RNF150: variants seen among roughly 807,000 people sequenced by gnomAD.
The protein encoded by RNF150 is ring finger protein 150.
Under a neutral mutation model 39.3 loss-of-function variants are expected in RNF150, and 24 were observed. That is an observed-to-expected ratio of 0.61 (90% confidence interval 0.44 to 0.86). RNF150 has a LOEUF of 0.86. RNF150 is among the 40% of genes least tolerant of loss of function. RNF150 has a pLI of 0.00. For synonymous variants in RNF150, 255 were observed against 227.3 expected, an observed-to-expected ratio of 1.12 and a Z score of -1.10; for missense variants, 502 against 587.8, an observed-to-expected ratio of 0.85 and a Z score of 1.51.
chr4:141,149,337 C>T (rs1727257804), intron 1 of RNF150, among the ~76,000 whole-genome samples: 1 of 151,788 alleles, frequency 6.6e-6, no homozygotes, highest in African/African-American at 2.4e-5. Flanking sequence ...CACCCAGCAC[C>T]CCAGCAGTGT....
intron 1 of RNF150, among the ~76,000 whole-genome samples, chr4:141,156,766 G>A (rs1031232379): frequency 1.4e-5 from 2 of 145,534 alleles, no homozygotes; most frequent in Non-Finnish European, 3.0e-5. Flanking sequence ...AATTAACCAG[G>A]TGTGTTGGCA....
intron 1 of RNF150, among the ~76,000 whole-genome samples, chr4:141,010,957 G>A (rs999863971): frequency 6.6e-6 from 1 of 152,120 alleles, no homozygotes; most frequent in African/African-American, 2.4e-5. Context: ...CTGAGTCTAA[G>A]AGTAGTACTG....
At chr4:141,053,694 A>G (rs1259413350) in intron 1 of RNF150, 5 of 1,410,700 alleles carry the variant, frequency 3.5e-6, no homozygotes, top group Non-Finnish European at 4.6e-6. Flanking sequence ...GGCATGGTGA[A>G]ATCAGCTTCA....
Position 140,897,483 on chromosome 4 carries a change from G to T in RNF150, c.1198+13661C>A, listed in dbSNP as rs564572763. 5.5e-4 allele frequency among the ~76,000 whole-genome samples: 83 copies of T among 152,268 alleles called. No homozygotes were observed. In the South Asian group the frequency reaches 0.017, roughly 30 times the overall value. On this transcript the variant is annotated intron_variant, in intron 6 of 6. Transcript: ENST00000515673. ...CACTCCAACTACAGCCCAGGTGGGT[G>T]TTCAGACCATAGCTAGAAACTGGTT... is the stretch of plus-strand genomic sequence containing the variant.
intron 1 of RNF150, among the ~76,000 whole-genome samples, chr4:141,193,518 C>T (rs563144259): frequency 6.6e-6 from 1 of 152,332 alleles, no homozygotes; most frequent in South Asian, 2.1e-4. Flanking sequence ...GTACCAGGCA[C>T]TATTCTGGGC....
intron 1 of RNF150, among the ~76,000 whole-genome samples, chr4:141,114,106 A>G (rs1739473478): frequency 6.6e-6 from 1 of 152,152 alleles, no homozygotes; most frequent in African/African-American, 2.4e-5. Context: ...GAATTACAGA[A>G]GCAACAGAAA....
rs142994696 is a variant in RNF150 at position 141,187,643 on chromosome 4, A to G, written c.-6+25151T>C. Among the ~76,000 whole-genome samples, 302 of 152,140 alleles carry G rather than the reference A, an allele frequency of 2.0e-3. 1 individual carries two copies. Among genetic ancestry groups the G allele is most frequent in the African/African-American group, 6.8e-3 (282 of 41,506 alleles). On this transcript the variant is annotated intron_variant, in intron 1 of 7. Coordinates refer to the RNF150 transcript ENST00000420921. ...TCTTTTTTGATCTTTGTTGGTTTAAAGTCTGTTTTATTGGAGACTAGGATT... is the reference window on the plus strand; with the variant it reads ...TCTTTTTTGATCTTTGTTGGTTTAAGGTCTGTTTTATTGGAGACTAGGATT...
Position 140,940,480 on chromosome 4 carries a change from A to T in RNF150, c.890+7174T>A, listed in dbSNP as rs73857140. ...GCACATGGGATATTATATATTAATT[A>T]AAAATGATGCTGACAAACTTTTGGA... On this transcript the variant is annotated intron_variant, in intron 4 of 6. Transcript: ENST00000515673. Among the ~76,000 whole-genome samples the T allele has an allele frequency of 7.3e-3, 1,112 of 152,280 alleles. 17 individuals carry two copies. Among genetic ancestry groups the T allele is most frequent in the African/African-American group, 0.025 (1,050 of 41,544 alleles).
chr4:141,202,663 G>C (rs1466250060), intron 1 of RNF150, among the ~76,000 whole-genome samples: 1 of 151,806 alleles, frequency 6.6e-6, no homozygotes, highest in Non-Finnish European at 1.5e-5. Context: ...CAGTTTGTGA[G>C]TTTTACATTA....
At chr4:140,877,481 T>C (rs1355145235) in intron 6 of RNF150, among the ~76,000 whole-genome samples, 1 of 152,220 alleles carries the variant, frequency 6.6e-6, no homozygotes, top group Non-Finnish European at 1.5e-5. Flanking sequence ...GCAGAGTTCA[T>C]ACATATTTAT....
intron 1 of RNF150, among the ~76,000 whole-genome samples, chr4:141,028,526 C>T (rs556210144): frequency 6.6e-6 from 1 of 152,116 alleles, no homozygotes; most frequent in Non-Finnish European, 1.5e-5. Context: ...AGCTTTATGC[C>T]TCTTAGACAA....
rs71584397 is a variant in RNF150 at position 141,195,107 on chromosome 4, TAC to T, written c.-6+17685_-6+17686del. ...CACATCCCCTTTCCAGATACATGAA[TAC>T]ACACACACACACACACACCTGTGCA... On this transcript the variant is annotated intron_variant, in intron 1 of 7. Transcript: ENST00000420921. Among the ~76,000 whole-genome samples, 25 of 150,044 alleles carry T rather than the reference TAC, an allele frequency of 1.7e-4. 2 individuals carry two copies. Among genetic ancestry groups the T allele is most frequent in the South Asian group, 1.3e-3 (6 of 4,736 alleles).
chr4:140,871,817 G>A (rs921461576), intron 6 of RNF150, among the ~76,000 whole-genome samples: 7 of 152,146 alleles, frequency 4.6e-5, no homozygotes, highest in Non-Finnish European at 7.4e-5. Flanking sequence ...TGTGTGAACT[G>A]AAAGAAAAAG....
At chr4:140,965,844 A>G (rs1256262780) in intron 2 of RNF150, among the ~76,000 whole-genome samples, 1 of 152,080 alleles carries the variant, frequency 6.6e-6, no homozygotes, top group African/African-American at 2.4e-5. Flanking sequence ...ATGTAAAATG[A>G]CTACAGCTAA....
At chr4:141,003,688 G>A (rs1734758991) in intron 1 of RNF150, among the ~76,000 whole-genome samples, 1 of 152,124 alleles carries the variant, frequency 6.6e-6, no homozygotes, top group Non-Finnish European at 1.5e-5. Flanking sequence ...TACTGATCAT[G>A]TGAGAGAAAG....
chr4:141,189,000 T>A (rs903290152), intron 1 of RNF150, among the ~76,000 whole-genome samples: 3 of 152,260 alleles, frequency 2.0e-5, no homozygotes, highest in African/African-American at 7.2e-5. Flanking sequence ...TGCTGGTTCT[T>A]CCTCATCTTC....
chr4:141,142,149 A>G (rs187247222), intron 1 of RNF150, among the ~76,000 whole-genome samples: 279 of 152,176 alleles, frequency 1.8e-3, no homozygotes, highest in African/African-American at 6.3e-3. Flanking sequence ...ACTCTTAGCT[A>G]TGATATCACA....
intron 6 of RNF150, among the ~76,000 whole-genome samples, chr4:140,868,585 A>G (rs1728809532): frequency 6.6e-6 from 1 of 152,214 alleles, no homozygotes; most frequent in African/African-American, 2.4e-5. Flanking sequence ...AGAATAATAA[A>G]ATATATCATC....
chr4:141,003,203 A>C (rs1397420195), intron 1 of RNF150, among the ~76,000 whole-genome samples: 1 of 152,156 alleles, frequency 6.6e-6, no homozygotes, highest in African/African-American at 2.4e-5. Context: ...GGCCATGGGA[A>C]TATTTTTAGG....
Sources: gnomAD v4.1 joint callset for allele counts (sites outside exome capture counted in the v4.1 genomes callset) on GRCh38, gnomAD v4.1.1 for gene constraint, MANE v1.5 for transcripts, NCBI Gene and HGNC (gene_info 2026-07-23, HGNC 2026-07-21) for gene names.